DIP2A: variants seen among roughly 807,000 people sequenced by gnomAD.
DIP2A encodes disco-interacting protein 2 homolog A.
A neutral mutation model predicts 177.4 loss-of-function variants in DIP2A; 85 were observed. The ratio of observed to expected loss-of-function variants is 0.48; its 90% CI spans 0.40 to 0.57. The LOEUF (loss-of-function observed/expected upper bound fraction) is 0.57. Ranked by LOEUF, DIP2A falls within the 20% of genes least tolerant of loss-of-function variation. The probability of loss-of-function intolerance (pLI) is 0.00; values close to 1 mark genes in which losing one functional copy is unlikely to be tolerated. For missense variants in DIP2A, 1,791 were observed against 2,100.2 expected, an observed-to-expected ratio of 0.85 and a Z score of 2.88; for synonymous variants, 886 against 881.8, an observed-to-expected ratio of 1.00 and a Z score of -0.08.
intron 6 of DIP2A, among the ~76,000 whole-genome samples, chr21:46,508,452 G>C (rs1297934600): frequency 7.0e-6 from 1 of 143,218 alleles, no homozygotes; most frequent in Non-Finnish European, 1.5e-5. Context: ...TCCGCCTCCC[G>C]GGTTCATGCC....
intron 8 of DIP2A, 114 bp from the exon 9 acceptor site, chr21:46,528,977 TA>T: frequency 1.7e-6 from 1 of 577,154 alleles, no homozygotes; most frequent in Non-Finnish European, 2.9e-6. Context: ...GGAAACTACC[TA>T]AATTTCCACT....
At chr21:46,538,799 A>T (rs2059680554) in intron 16 of DIP2A, 197 bp downstream of exon 16, 1 of 748,796 alleles carries the variant, frequency 1.3e-6, no homozygotes, top group Admixed American at 3.1e-5. Context: ...AGGCCACTAA[A>T]TTTAAAAGCA....
At chr21:46,552,925 G>T (rs2060325289) in intron 25 of DIP2A, 1 of 152,338 alleles carries the variant, frequency 6.6e-6, no homozygotes, top group Non-Finnish European at 1.5e-5. Flanking sequence ...ACAGTGGAGT[G>T]ATGTAACCTG....
rs2059455887 is a variant in DIP2A at position 46,534,004 on chromosome 21, G to C, written c.1430G>C (p.Gly477Ala). The change falls in exon 12 of 38, where the codon GGT becomes GCT. Residue 477 changes from glycine to alanine, a missense_variant and splice_region_variant. Transcript: ENST00000417564. Reference protein sequence around the residue: ...AQTGEVAAFKGWPPLSWLVID... With the variant: ...AQTGEVAAFKAWPPLSWLVID... ...TCTGTGTCCTGTCTGTGTGTCACAG[G>C]TTGGCCCCCGCTCTCCTGGCTAGTG... 3 of 1,612,528 alleles carry C rather than the reference G, an allele frequency of 1.9e-6. No individual in the cohort carries two copies. In the African/African-American group the frequency reaches 4.0e-5, roughly 22 times the overall value.
chr21:46,512,821 C>T (rs866002069), intron 8 of DIP2A, among the ~76,000 whole-genome samples: 2 of 51,654 alleles, frequency 3.9e-5, no homozygotes, highest in South Asian at 1.0e-3. Context: ...ACAAACAAAA[C>T]AAAAAAAACT....
chr21:46,535,321 A>G (rs934820538), intron 13 of DIP2A, among the ~76,000 whole-genome samples: 1 of 152,082 alleles, frequency 6.6e-6, no homozygotes, highest in African/African-American at 2.4e-5. Context: ...CACTGTGACA[A>G]TTTTAAAAAC....
rs2059978946 is a variant in DIP2A, at chr21:46,545,158, T to C, written c.2198T>C (p.Leu733Ser). The change falls in exon 19 of 38, where the codon TTA becomes TCA. Residue 733 changes from leucine (L) to serine (S), a missense_variant. By Grantham distance (145) the Leu-to-Ser change is moderately radical. Transcript: ENST00000417564. ...TTAGCTAATGTATGTGTTGTGAAGT[T>C]AGAAGGTACCCCTTATCTTTGTAAA... Reference protein sequence around the residue: ...MPGANVCVVKLEGTPYLCKTD... With the variant: ...MPGANVCVVKSEGTPYLCKTD... 4 of 1,601,846 alleles carry C rather than the reference T, an allele frequency of 2.5e-6. No homozygotes were observed. Among genetic ancestry groups the C allele is most frequent in the Non-Finnish European group, 2.6e-6 (3 of 1,170,706 alleles).
At position 46,551,883 on chromosome 21, in the gene DIP2A, G is replaced by C. The variant is rs747427944; in HGVS notation, c.3009G>C (p.Leu1003=). The C allele has an allele frequency of 4.5e-5, 72 of 1,608,350 alleles. No homozygotes were observed. The highest frequency in any genetic ancestry group is 5.8e-5 in the Non-Finnish European group (68 of 1,177,762). ...WRAHTTPDHP[L]FLLLNAKGTV... Reference sequence around the variant, plus strand: ...CCCACACCACTCCTGACCACCCGCTGTTCTTGCTGCTGAACGCCAAGGTGA... The same window carrying C: ...CCCACACCACTCCTGACCACCCGCTCTTCTTGCTGCTGAACGCCAAGGTGA... The change falls in exon 25 of 38, where the codon CTG becomes CTC. Residue 1003 remains leucine (L), a synonymous_variant. Coordinates refer to ENST00000417564, the MANE Select transcript of DIP2A (RefSeq NM_015151.4).
At chr21:46,571,708 A>G (rs1037439074), downstream of DIP2A, among the ~76,000 whole-genome samples, 2 of 152,040 alleles carry the variant, frequency 1.3e-5, no homozygotes, top group Non-Finnish European at 2.9e-5. Flanking sequence ...TTTGTCTGTT[A>G]TTGGTGTATA....
the DIP2A span, among the ~76,000 whole-genome samples, chr21:46,575,038 A>G: frequency 6.6e-6 from 1 of 152,250 alleles, no homozygotes; most frequent in East Asian, 1.9e-4. Context: ...ATAAAATACT[A>G]GCAAACTGAC....
rs1183049795 is a variant in DIP2A at position 46,459,008 on chromosome 21, T to G, written c.-124T>G. On this transcript the variant is annotated 5_prime_UTR_variant, in exon 1 of 38. Transcript: ENST00000417564. ...CTGGCCGCGCCCCTGTCCCGCCGCCTCCCGCTCCTCGCCTGGCGGATGTAG... is the reference window on the plus strand; with the variant it reads ...CTGGCCGCGCCCCTGTCCCGCCGCCGCCCGCTCCTCGCCTGGCGGATGTAG... 7.5e-6 allele frequency: 6 copies of G among 801,856 alleles called. No homozygotes were observed. In the East Asian group the frequency reaches 1.0e-4, roughly 14 times the overall value. 49.7% of individuals were successfully genotyped at this position (801,856 alleles called of 1,614,324 possible).
chr21:46,524,647 C>G (rs1473082169), intron 8 of DIP2A, among the ~76,000 whole-genome samples: 1 of 152,080 alleles, frequency 6.6e-6, no homozygotes, highest in Admixed American at 6.6e-5. Flanking sequence ...ATTAAGAAAG[C>G]AAAGGAGTAA....
chr21:46,506,023 T>C (rs1038044518), intron 6 of DIP2A, among the ~76,000 whole-genome samples: 1 of 152,238 alleles, frequency 6.6e-6, no homozygotes, highest in African/African-American at 2.4e-5. Flanking sequence ...CTGCTATGAA[T>C]AATCAATCTT....
chr21:46,486,674 C>G (rs1046332494), intron 2 of DIP2A, among the ~76,000 whole-genome samples: 9 of 152,206 alleles, frequency 5.9e-5, no homozygotes, highest in Non-Finnish European at 8.8e-5. Flanking sequence ...ATTGTAACCA[C>G]AGCCATCTGT....
chr21:46,583,167 G>C, the DIP2A span, among the ~76,000 whole-genome samples: 3 of 152,054 alleles, frequency 2.0e-5, no homozygotes, highest in Non-Finnish European at 4.4e-5. Flanking sequence ...TATAACTATA[G>C]AAGGGTCAAT....
rs1337039618 is a variant in DIP2A, at chr21:46,545,129, C to T, written c.2177-8C>T. On this transcript the variant is annotated splice_region_variant and splice_polypyrimidine_tract_variant and intron_variant, in intron 18 of 37. Coordinates refer to ENST00000417564, the MANE Select transcript of DIP2A (RefSeq NM_015151.4). ...CTTGATAATTTTGAGTTTTTTTTCT[C>T]ATTTTAGCTAATGTATGTGTTGTGA... 7.7e-6 allele frequency: 12 copies of T among 1,562,610 alleles called. No homozygotes were observed. Among genetic ancestry groups the T allele is most frequent in the Admixed American group, 3.7e-5 (2 of 53,408 alleles).
intron 1 of DIP2A, among the ~76,000 whole-genome samples, chr21:46,480,704 G>T (rs2056285928): frequency 6.6e-6 from 1 of 152,228 alleles, no homozygotes; most frequent in Non-Finnish European, 1.5e-5. Context: ...AACACTGGCA[G>T]CTGTGTCCAG....
rs368230995 is a variant in DIP2A, at chr21:46,551,751, G to A, written c.2949+8G>A. On this transcript the variant is annotated splice_region_variant and intron_variant, in intron 24 of 37. Transcript: ENST00000417564. ...AGCGACCAGGCACGGAAGGTGACAGGCCAGTTCCGGGGACGGGTGGACGGG... is the reference window on the plus strand; with the variant it reads ...AGCGACCAGGCACGGAAGGTGACAGACCAGTTCCGGGGACGGGTGGACGGG... The A allele has an allele frequency of 1.8e-4, 286 of 1,613,796 alleles. No homozygotes were observed. Among genetic ancestry groups the A allele is most frequent in the Non-Finnish European group, 1.9e-4 (223 of 1,179,878 alleles).
Position 46,490,538 on chromosome 21 carries a change from CT to C in DIP2A, c.164-57del, listed in dbSNP as rs1049695020. ...AGAAATGTAAGCTGTTTTCAATGGA[CT>C]TTTTCATAATTGGAAAAGCAAATTG... On this transcript the variant is annotated intron_variant, in intron 2 of 37. Coordinates refer to ENST00000417564, the MANE Select transcript of DIP2A (RefSeq NM_015151.4). The C allele has an allele frequency of 6.6e-6, 10 of 1,506,916 alleles. No homozygotes were observed. In the African/African-American group the frequency reaches 8.4e-5, roughly 13 times the overall value. 93.3% of individuals were successfully genotyped at this position (1,506,916 alleles called of 1,614,324 possible).
Sources: allele counts gnomAD v4.1 joint callset (sites outside exome capture counted in the v4.1 genomes callset), GRCh38; gene constraint gnomAD v4.1.1; transcripts MANE v1.5; gene names NCBI Gene and HGNC (gene_info 2026-07-23, HGNC 2026-07-21).